The following MEIS2 variants were observed in gnomAD, a reference collection of about 807,000 sequenced individuals.
MEIS2 encodes the protein Meis homeobox 2.
Under a neutral mutation model 58.6 loss-of-function variants are expected in MEIS2, and 9 were observed. The ratio of observed to expected loss-of-function variants is 0.15; its 90% CI spans 0.09 to 0.27. The LOEUF (loss-of-function observed/expected upper bound fraction) is 0.27, where lower values mean the gene tolerates loss of function less well. Ranked by LOEUF, MEIS2 falls within the 10% of genes least tolerant of loss-of-function variation. MEIS2 has a pLI of 1.00. For synonymous variants in MEIS2, 221 were observed against 228.4 expected, an observed-to-expected ratio of 0.97 and a Z score of 0.29; for missense variants, 427 against 635.0, an observed-to-expected ratio of 0.67 and a Z score of 3.52.
At chr15:37,067,587 A>G (rs1465781890) in intron 7 of MEIS2, among the ~76,000 whole-genome samples, 1 of 104,730 alleles carries the variant, frequency 9.5e-6, no homozygotes, top group Non-Finnish European at 2.0e-5. Context: ...GAAAACAGAA[A>G]TCAGAAATTA....
rs893898569 is a variant in MEIS2, at chr15:37,025,534, CT to C, written c.900+11279del. ...TCACTATCTAAAGGTAGGAAAGTCA[CT>C]TTTTTTTTTAAATGAATTACAGACA... is the stretch of plus-strand genomic sequence containing the variant. On this transcript the variant is annotated intron_variant, in intron 8 of 11. Transcript: ENST00000561208. Among the ~76,000 whole-genome samples the C allele has an allele frequency of 1.1e-3, 167 of 148,658 alleles. 1 individual carries two copies. Among genetic ancestry groups the C allele is most frequent in the African/African-American group, 3.1e-3 (126 of 40,566 alleles).
intron 8 of MEIS2, among the ~76,000 whole-genome samples, chr15:37,002,854 T>C (rs1202241880): frequency 6.6e-6 from 1 of 152,222 alleles, no homozygotes; most frequent in Non-Finnish European, 1.5e-5. Flanking sequence ...TTATTCTTTT[T>C]ATTTTATTTG....
chr15:36,919,278 T>C (rs565867175), intron 9 of MEIS2, among the ~76,000 whole-genome samples: 1 of 152,262 alleles, frequency 6.6e-6, no homozygotes, highest in East Asian at 1.9e-4. Context: ...ATGTTTTATG[T>C]ACTTAAGAAA....
intron 1 of MEIS2, chr15:37,098,512 G>A: frequency 1.6e-6 from 1 of 622,088 alleles, no homozygotes; most frequent in Middle Eastern, 5.2e-4. Context: ...AAACAACGGA[G>A]TTAAAAGTTG....
chr15:36,896,766 A>G (rs1325003025), intron 9 of MEIS2, 80 bp from the exon 10 acceptor site: 1 of 1,059,570 alleles, frequency 9.4e-7, no homozygotes, highest in Non-Finnish European at 1.5e-6. Context: ...GCTGAGGAGC[A>G]CAAAATACAG....
intron 8 of MEIS2, among the ~76,000 whole-genome samples, chr15:37,002,981 A>G (rs1336659911): frequency 1.3e-5 from 2 of 152,130 alleles, no homozygotes; most frequent in African/African-American, 4.8e-5. Flanking sequence ...AGTAATATGG[A>G]AAGTCTATAA....
intron 7 of MEIS2, among the ~76,000 whole-genome samples, chr15:37,058,360 AG>A (rs1478965329): frequency 6.6e-6 from 1 of 152,252 alleles, no homozygotes; most frequent in East Asian, 1.9e-4. Context: ...GAAGAATTTT[AG>A]GAAACGCTCT....
chr15:36,905,311 G>A (rs1367071582), intron 9 of MEIS2, among the ~76,000 whole-genome samples: 8 of 152,114 alleles, frequency 5.3e-5, no homozygotes, highest in Non-Finnish European at 1.5e-5. Flanking sequence ...GAAAAGAATG[G>A]TTGCTAAACA....
chr15:37,028,302 A>G (rs1303921702), intron 8 of MEIS2, among the ~76,000 whole-genome samples: 1 of 152,204 alleles, frequency 6.6e-6, no homozygotes, highest in Non-Finnish European at 1.5e-5. Context: ...TGTACTGGCA[A>G]CTTTACCACA....
chr15:37,054,717 A>G (rs1340026075), intron 7 of MEIS2, among the ~76,000 whole-genome samples: 2 of 152,224 alleles, frequency 1.3e-5, no homozygotes, highest in African/African-American at 4.8e-5. Context: ...CGTGCCCAGC[A>G]TAACTTTGTG....
Position 37,031,672 on chromosome 15 carries a change from G to C in MEIS2, c.900+5142C>G, listed in dbSNP as rs577660500. 2.6e-5 allele frequency among the ~76,000 whole-genome samples: 4 copies of C among 152,118 alleles called. No individual in the cohort carries two copies. The South Asian group carries it at 8.3e-4, about 32-fold the overall frequency. On this transcript the variant is annotated intron_variant, in intron 8 of 11. Coordinates refer to ENST00000561208, the MANE Select transcript of MEIS2 (RefSeq NM_170675.5). ...TTCTAATAGGCAAGTAGTAAAATGA[G>C]TAAACACCTGAGAGGTGGGCTTCAC...
At chr15:36,980,852 C>T (rs1482608733) in intron 8 of MEIS2, among the ~76,000 whole-genome samples, 1 of 152,150 alleles carries the variant, frequency 6.6e-6, no homozygotes, top group Non-Finnish European at 1.5e-5. Context: ...GTTCCACTGA[C>T]AGGCACCTTC....
intron 9 of MEIS2, among the ~76,000 whole-genome samples, chr15:36,925,131 A>G (rs1284538445): frequency 2.0e-5 from 3 of 152,186 alleles, no homozygotes; most frequent in African/African-American, 7.2e-5. Flanking sequence ...AGCTCAAAAA[A>G]ACAAAAACAA....
intron 8 of MEIS2, among the ~76,000 whole-genome samples, chr15:37,014,584 T>C (rs895109120): frequency 6.6e-5 from 10 of 152,198 alleles, no homozygotes; most frequent in African/African-American, 2.2e-4. Context: ...AACTTAATTC[T>C]GGAATTTTTT....
chr15:37,053,325 C>A (rs1031052055), intron 7 of MEIS2, among the ~76,000 whole-genome samples: 5 of 152,086 alleles, frequency 3.3e-5, no homozygotes, highest in African/African-American at 4.8e-5. Context: ...GAGAAGATAA[C>A]AAATTAAAAA....
chr15:36,939,670 T>C (rs1287638872), intron 9 of MEIS2, among the ~76,000 whole-genome samples: 1 of 152,214 alleles, frequency 6.6e-6, no homozygotes, highest in African/African-American at 2.4e-5. Flanking sequence ...CAATTCATTG[T>C]AATATACTGC....
intron 3 of MEIS2, 63 bp downstream of exon 3, chr15:37,096,226 T>C: frequency 1.3e-6 from 2 of 1,482,642 alleles, no homozygotes; most frequent in Non-Finnish European, 9.1e-7. Context: ...CAAGTAAAGC[T>C]CCGAGGAAAG....
chr15:36,897,226 G>A (rs2056226107), intron 9 of MEIS2: 1 of 155,020 alleles, frequency 6.5e-6, no homozygotes, highest in Non-Finnish European at 1.4e-5. Flanking sequence ...TGCAGTTTAA[G>A]CCTGTAAAGT....
At chr15:37,002,298 C>T (rs1193752877) in intron 8 of MEIS2, among the ~76,000 whole-genome samples, 1 of 151,622 alleles carries the variant, frequency 6.6e-6, no homozygotes, top group Admixed American at 6.6e-5. Context: ...CTCCCTCCTC[C>T]TCCCCGCTTC....
Sources: gnomAD v4.1 joint callset for allele counts (sites outside exome capture counted in the v4.1 genomes callset) on GRCh38, gnomAD v4.1.1 for gene constraint, MANE v1.5 for transcripts, NCBI Gene and HGNC (gene_info 2026-07-23, HGNC 2026-07-21) for gene names.